Variants in ZZZ3 observed in about 807,000 individuals in gnomAD.
The protein encoded by ZZZ3 is zinc finger ZZ-type containing 3, also known as ZZ-type zinc finger-containing protein 3.
In ZZZ3, 22 loss-of-function variants were observed where a neutral mutation model predicts 95.2. The ratio of observed to expected loss-of-function variants is 0.23; its 90% CI spans 0.17 to 0.33. The LOEUF (loss-of-function observed/expected upper bound fraction) is 0.33. Among genes scored for constraint, ZZZ3 ranks in the 10% least tolerant of loss-of-function variants. ZZZ3 has a pLI of 1.00. For synonymous variants in ZZZ3, 335 were observed against 358.9 expected, an observed-to-expected ratio of 0.93 and a Z score of 0.75; for missense variants, 885 against 1,066.5, an observed-to-expected ratio of 0.83 and a Z score of 2.37.
chr1:77,680,751 AC>A (rs2101102020), intron 1 of ZZZ3, among the ~76,000 whole-genome samples: 1 of 152,260 alleles, frequency 6.6e-6, no homozygotes, highest in African/African-American at 2.4e-5. Flanking sequence ...AACTTTTAAA[AC>A]GTCTGAAAAA....
At chr1:77,629,479 T>C (rs1667603609) in intron 5 of ZZZ3, among the ~76,000 whole-genome samples, 1 of 151,884 alleles carries the variant, frequency 6.6e-6, no homozygotes, top group Non-Finnish European at 1.5e-5. Flanking sequence ...ATTAGACAGG[T>C]GTGATGGCGT....
At position 77,682,591 on chromosome 1, in the gene ZZZ3, G is replaced by GGTCCCT. The variant is rs1672889363; in HGVS notation, c.-410_-409insAGGGAC. 6.6e-6 allele frequency: 1 copy of GGTCCCT among 152,302 alleles called. No homozygotes were observed. Among genetic ancestry groups the GGTCCCT allele is most frequent in the Non-Finnish European group, 1.5e-5 (1 of 68,148 alleles). The allele number at this position is 152,302 out of a possible 1,614,324, so 9.4% of individuals were successfully genotyped here. ...CCCCTCCCTAACGACTTGCCTTGTAGAAAGAGTTGCAGGTCCCAGGCCCCC... is the reference window on the plus strand; with the variant it reads ...CCCCTCCCTAACGACTTGCCTTGTAGGTCCCTAAAGAGTTGCAGGTCCCAGGCCCCC... On this transcript the variant is annotated 5_prime_UTR_variant, in exon 1 of 15. Coordinates refer to ENST00000370801, the MANE Select transcript of ZZZ3 (RefSeq NM_015534.6).
At chr1:77,586,705 A>G (rs904896031) in intron 5 of ZZZ3, among the ~76,000 whole-genome samples, 3 of 152,208 alleles carry the variant, frequency 2.0e-5, no homozygotes, top group African/African-American at 7.2e-5. Flanking sequence ...AAACATTGGT[A>G]AAGTCTTCAA....
At chr1:77,597,188 C>A (rs1264587012) in intron 5 of ZZZ3, among the ~76,000 whole-genome samples, 1 of 151,986 alleles carries the variant, frequency 6.6e-6, no homozygotes, top group Non-Finnish European at 1.5e-5. Flanking sequence ...CACAGGGACA[C>A]AAAAGCCAAT....
chr1:77,606,721 T>C (rs1273611706), intron 5 of ZZZ3, among the ~76,000 whole-genome samples: 1 of 152,188 alleles, frequency 6.6e-6, no homozygotes, highest in Non-Finnish European at 1.5e-5. Flanking sequence ...TCAGATCTTA[T>C]CCAAGACCAC....
At chr1:77,675,900 G>GA (rs1306267151) in intron 1 of ZZZ3, among the ~76,000 whole-genome samples, 1 of 152,096 alleles carries the variant, frequency 6.6e-6, no homozygotes, top group African/African-American at 2.4e-5. Flanking sequence ...AAGCTTACCT[G>GA]AATGTCTATG....
chr1:77,576,144 G>A lies in ZZZ3; in HGVS notation c.2255C>T (p.Pro752Leu), dbSNP rs750971669. 6.2e-7 allele frequency: 1 copy of A among 1,613,190 alleles called. No homozygotes were observed. The highest frequency in any genetic ancestry group is 2.2e-5 in the East Asian group (1 of 44,828). The change falls in exon 12 of 15, where the codon CCG (proline) becomes CTG (leucine). Residue 752 changes from proline to leucine, a missense_variant. Transcript: ENST00000370801. ...KPSTFMTSHE[P>L]PVYMDEDDDR... ...ATCATCTTCATCCATATACACTGGC[G>A]GTTCATGTGAAGTCATGAAAGTGGA...
chr1:77,625,758 G>T (rs1667274710), intron 5 of ZZZ3, among the ~76,000 whole-genome samples: 3 of 151,974 alleles, frequency 2.0e-5, no homozygotes, highest in Admixed American at 1.3e-4. Context: ...GGGAGGCTGA[G>T]GGGGGCGGAT....
Position 77,565,723 on chromosome 1 carries a change from T to A in ZZZ3, c.2629A>T (p.Thr877Ser). 6.2e-7 allele frequency: 1 copy of A among 1,613,764 alleles called. No homozygotes were observed. The highest frequency in any genetic ancestry group is 8.5e-7 in the Non-Finnish European group (1 of 1,179,706). ...ACACAGTAGTCTCTGTCTAAGAATGTCTCTGACCTATAAATAGGTTCTAAT... is the reference window on the plus strand; with the variant it reads ...ACACAGTAGTCTCTGTCTAAGAATGACTCTGACCTATAAATAGGTTCTAAT... ...HQLEPIYRSETFLDRDYCVSQ... is the reference protein window; with the variant it reads ...HQLEPIYRSESFLDRDYCVSQ... The change falls in exon 15 of 15, where the codon ACA (threonine) becomes TCA (serine). Residue 877 changes from threonine to serine, a missense_variant. Physicochemically the swap from Thr to Ser is moderately conservative, Grantham distance 58. Coordinates refer to ENST00000370801, the MANE Select transcript of ZZZ3 (RefSeq NM_015534.6).
chr1:77,565,575 C>T lies in ZZZ3; in HGVS notation c.*65G>A. 3.9e-6 allele frequency: 6 copies of T among 1,521,172 alleles called. No individual in the cohort carries two copies. The highest frequency in any genetic ancestry group is 5.4e-6 in the Non-Finnish European group (6 of 1,113,330). 94.2% of individuals were successfully genotyped at this position (1,521,172 alleles called of 1,614,324 possible). A position where few individuals can be genotyped will look rare whatever the true frequency, so the allele number is the denominator to read the frequency against. On this transcript the variant is annotated 3_prime_UTR_variant, in exon 15 of 15. Coordinates refer to ENST00000370801, the MANE Select transcript of ZZZ3 (RefSeq NM_015534.6). ...GCAGAGAATCTTTCCAAACTGTGCA[C>T]ATAATTAACAATGATACCATTGCTA...
At chr1:77,589,465 A>C (rs534352043) in intron 5 of ZZZ3, among the ~76,000 whole-genome samples, 70 of 150,476 alleles carry the variant, frequency 4.7e-4, no homozygotes, top group Non-Finnish European at 8.5e-4. Flanking sequence ...TATTTGATGG[A>C]GTCTCACGCT....
chr1:77,618,097 C>T (rs1422876874), intron 5 of ZZZ3, among the ~76,000 whole-genome samples: 3 of 152,080 alleles, frequency 2.0e-5, no homozygotes, highest in Non-Finnish European at 2.9e-5. Context: ...ATTTTATAAA[C>T]AATTGACCAA....
Position 77,582,141 on chromosome 1 carries a change from G to T in ZZZ3, c.1645-15C>A, listed in dbSNP as rs758997108. On this transcript the variant is annotated splice_polypyrimidine_tract_variant and intron_variant, in intron 6 of 14. Transcript: ENST00000370801. ...CCAATATCAGCCTGGAGGCAGGGGA[G>T]AAAAAACAAAATAAAGTAAAAGTCT... 8.9e-6 allele frequency: 14 copies of T among 1,567,580 alleles called. No homozygotes were observed. The highest frequency in any genetic ancestry group is 1.2e-5 in the Non-Finnish European group (14 of 1,164,766).
intron 5 of ZZZ3, among the ~76,000 whole-genome samples, chr1:77,587,256 C>T (rs1308845919): frequency 7.7e-6 from 1 of 130,694 alleles, no homozygotes; most frequent in Non-Finnish European, 1.6e-5. Context: ...CCAACTTTGA[C>T]CCTTTTTTTT....
intron 1 of ZZZ3, among the ~76,000 whole-genome samples, chr1:77,662,976 G>T (rs534097427): frequency 1.3e-5 from 2 of 152,110 alleles, no homozygotes; most frequent in Admixed American, 1.3e-4. Context: ...ATGGTAGCAC[G>T]CACCTGTAGT....
rs762766704 is a variant in ZZZ3, at chr1:77,632,530, G to A, written c.825C>T (p.Val275=). 34 of 1,613,998 alleles carry A rather than the reference G, an allele frequency of 2.1e-5. No homozygotes were observed. The highest frequency in any genetic ancestry group is 2.7e-5 in the Non-Finnish European group (32 of 1,180,026). The part of the protein sequence containing the change: ...KVPCTDSQVQ[V]KLEDHKIVTA... ...TTACTATTTTGTGGTCCTCCAACTT[G>A]ACCTGCACTTGTGAATCTGTGCAAG... Residue 275 remains valine, a synonymous_variant, in exon 5 of 15, where the codon GTC becomes GTT. Coordinates refer to ENST00000370801, the MANE Select transcript of ZZZ3 (RefSeq NM_015534.6).
chr1:77,639,620 GA>G lies in ZZZ3; in HGVS notation c.-205-19del. 4.5e-5 allele frequency: 20 copies of G among 447,172 alleles called. No homozygotes were observed. The highest frequency in any genetic ancestry group is 8.6e-5 in the South Asian group (1 of 11,662). 27.7% of individuals were successfully genotyped at this position (447,172 alleles called of 1,614,324 possible). A position where few individuals can be genotyped will look rare whatever the true frequency, so the allele number is the denominator to read the frequency against. On this transcript the variant is annotated intron_variant, in intron 3 of 14. Transcript: ENST00000370801. Reference sequence around the variant, plus strand: ...AAATTTTTCTTTAAAATAAAATAATGAAAAAAAAGGATTAAAGAAGATGATG... The same window carrying G: ...AAATTTTTCTTTAAAATAAAATAATGAAAAAAAGGATTAAAGAAGATGATG...
chr1:77,627,584 T>C (rs1667446075), intron 5 of ZZZ3, among the ~76,000 whole-genome samples: 1 of 152,210 alleles, frequency 6.6e-6, no homozygotes, highest in Admixed American at 6.5e-5. Context: ...AAGAAGGACA[T>C]ATTATAATTA....
At chr1:77,667,513 T>C (rs1326884439) in intron 1 of ZZZ3, among the ~76,000 whole-genome samples, 2 of 152,168 alleles carry the variant, frequency 1.3e-5, no homozygotes, top group Admixed American at 1.3e-4. Flanking sequence ...TAGTCCTTTT[T>C]ATTGTCCTTA....
Sources: allele counts gnomAD v4.1 joint callset (sites outside exome capture counted in the v4.1 genomes callset), GRCh38; gene constraint gnomAD v4.1.1; transcripts MANE v1.5; gene names NCBI Gene and HGNC (gene_info 2026-07-23, HGNC 2026-07-21).